Variants in ACSM3 observed in about 807,000 individuals in gnomAD.
The protein encoded by ACSM3 is acyl-CoA synthetase medium chain family member 3.
In ACSM3, 61 loss-of-function variants were observed where a neutral mutation model predicts 74.1. That is an observed-to-expected ratio of 0.82 (90% CI 0.67 to 1.02). The LOEUF is 1.02. Ranked by LOEUF, ACSM3 falls within the 50% of genes least tolerant of loss-of-function variation. ACSM3 has a pLI of 0.00. For missense variants in ACSM3, 660 were observed against 697.0 expected (o/e 0.95, Z 0.60); for synonymous variants, 213 against 241.5 (o/e 0.88, Z 1.09).
chr16:20,773,063 C>T (rs1176910424), intron 2 of ACSM3, among the ~76,000 whole-genome samples: 1 of 151,652 alleles, frequency 6.6e-6, no homozygotes, highest in Non-Finnish European at 1.5e-5. Context: ...GATTCAATCT[C>T]ATTACATATT....
intron 1 of ACSM3, among the ~76,000 whole-genome samples, chr16:20,720,337 C>T: frequency 6.6e-6 from 1 of 152,198 alleles, no homozygotes; most frequent in East Asian, 1.9e-4. Context: ...GAGATAGTGA[C>T]AGACTATCAG....
In ACSM3 at chr16:20,776,274, G is replaced by A. The variant is rs2080254907; in HGVS notation, c.430+225G>A. On this transcript the variant is annotated intron_variant, in intron 3 of 13. Transcript: ENST00000289416. ...ACAGCCTCACAAAAATTGTTGTGTT[G>A]CCCTGATTAGAAAGAAAAGATATTC... Among the ~76,000 whole-genome samples, 3 of 152,116 alleles carry A rather than the reference G, an allele frequency of 2.0e-5. No homozygotes were observed. In the South Asian group the frequency reaches 6.2e-4, roughly 32 times the overall value.
intron 3 of ACSM3, among the ~76,000 whole-genome samples, chr16:20,758,633 A>G (rs1257405170): frequency 1.3e-5 from 2 of 151,878 alleles, no homozygotes; most frequent in African/African-American, 4.8e-5. Flanking sequence ...TATTTCCTTC[A>G]GTTCTGCTCG....
Position 20,780,740 on chromosome 16 carries a change from T to A in ACSM3, c.665T>A (p.Val222Glu). Residue 222 changes from valine (V) to glutamate (E), a missense_variant, in exon 5 of 14, where the codon GTG (valine) becomes GAG (glutamate). Val to Glu is a moderately radical substitution (Grantham distance 121). Coordinates refer to ENST00000289416, the MANE Select transcript of ACSM3 (RefSeq NM_005622.4). ...CATGCCAGTGACAGCCACACCTGTG[T>A]GAAGACAAAACACAATGAGATCATG... ...MKHASDSHTC[V>E]KTKHNEIMAI... The A allele has an allele frequency of 6.2e-7, 1 of 1,614,172 alleles. No individual in the cohort carries two copies. The highest frequency in any genetic ancestry group is 8.5e-7 in the Non-Finnish European group (1 of 1,180,020).
intron 1 of ACSM3, among the ~76,000 whole-genome samples, chr16:20,700,682 A>C (rs915726036): frequency 6.6e-6 from 1 of 151,974 alleles, no homozygotes; most frequent in Non-Finnish European, 1.5e-5. Context: ...ATTCTATTCT[A>C]AGTGCAATGG....
intron 1 of ACSM3, among the ~76,000 whole-genome samples, chr16:20,685,925 A>ACATAAGAC (rs1257126614): frequency 6.6e-6 from 1 of 151,422 alleles, no homozygotes; most frequent in African/African-American, 2.4e-5. Flanking sequence ...GCCTCAAGCC[A>ACATAAGAC]CATAAGACCA....
chr16:20,684,256 C>G (rs1303013118), intron 1 of ACSM3, among the ~76,000 whole-genome samples: 1 of 152,192 alleles, frequency 6.6e-6, no homozygotes, highest in Non-Finnish European at 1.5e-5. Flanking sequence ...AAAGAATCAT[C>G]ACTAGGTACT....
chr16:20,769,292 C>A (rs2080163076), intron 1 of ACSM3, among the ~76,000 whole-genome samples: 1 of 152,228 alleles, frequency 6.6e-6, no homozygotes, highest in African/African-American at 2.4e-5. Flanking sequence ...TGATTTCCCA[C>A]AGAAGCAGGC....
chr16:20,786,440 G>A lies in ACSM3; in HGVS notation c.1224+282G>A, dbSNP rs9922762. On this transcript the variant is annotated intron_variant, in intron 9 of 13. Transcript: ENST00000289416. The stretch of plus-strand genomic sequence containing the variant: ...TCACGCCTGTAATCCCAACACTTTG[G>A]GAGGCCAAGGCGGGAGCATCACTTG... 3,647 of 479,546 alleles carry A rather than the reference G, an allele frequency of 7.6e-3. 110 individuals carry two copies. The highest frequency in any genetic ancestry group is 0.066 in the African/African-American group (3,270 of 49,872). The allele number at this position is 479,546 out of a possible 1,614,324, so 29.7% of individuals were successfully genotyped here.
Position 20,737,257 on chromosome 16 carries a change from T to C in ACSM3, c.-189-12653T>C. 4 of 1,613,698 alleles carry C rather than the reference T, an allele frequency of 2.5e-6. No individual in the cohort carries two copies. The South Asian group carries it at 3.3e-5, about 13-fold the overall frequency. The stretch of plus-strand genomic sequence containing the variant: ...TACTGTGGATTGGTGAGATCCACTT[T>C]ATTTTCTGAATTGAGGGTGCACACT... On this transcript the variant is annotated intron_variant, in intron 1 of 3. Transcript: ENST00000561584.
Position 20,770,006 on chromosome 16 carries a change from C to T in ACSM3, c.-29C>T, listed in dbSNP as rs1270229414. 6.2e-7 allele frequency: 1 copy of T among 1,608,428 alleles called. No individual in the cohort carries two copies. Among genetic ancestry groups the T allele is most frequent in the Middle Eastern group, 1.7e-4 (1 of 6,040 alleles). ...TAGATGAACTGGTCTCTGTGCAAAT[C>T]CTGAGTGCTAAAGCTTCCAACAAGA... is the stretch of plus-strand genomic sequence containing the variant. On this transcript the variant is annotated 5_prime_UTR_variant, in exon 2 of 14. Transcript: ENST00000289416.
At chr16:20,789,185 T>G (rs2080539219) in intron 9 of ACSM3, among the ~76,000 whole-genome samples, 1 of 151,986 alleles carries the variant, frequency 6.6e-6, no homozygotes, top group Admixed American at 6.6e-5. Flanking sequence ...CACAGAGGAG[T>G]GTAATGATTA....
intron 1 of ACSM3, among the ~76,000 whole-genome samples, chr16:20,719,814 T>C (rs2079779234): frequency 6.6e-6 from 1 of 152,226 alleles, no homozygotes; most frequent in African/African-American, 2.4e-5. Context: ...CAGCTCCTCT[T>C]ACTCTTCCCC....
rs774073648 is a variant in ACSM3 at position 20,786,082 on chromosome 16, T to C, written c.1148T>C (p.Leu383Pro). ...YEGYGQTETV[L>P]ICGNFKGMKI... ...CTTTTTCTTCTTCTTAACTAGGTGC[T>C]AATCTGTGGAAATTTTAAGGGAATG... is the stretch of plus-strand genomic sequence containing the variant. The change falls in exon 9 of 14, where the codon CTA (leucine) becomes CCA (proline). Residue 383 changes from leucine to proline, a missense_variant. Transcript: ENST00000289416. 1 of 1,589,050 alleles carries C rather than the reference T, an allele frequency of 6.3e-7. No homozygotes were observed. The highest frequency in any genetic ancestry group is 1.1e-5 in the South Asian group (1 of 87,126).
intron 1 of ACSM3, among the ~76,000 whole-genome samples, chr16:20,729,885 T>C (rs1302666379): frequency 6.6e-6 from 1 of 152,180 alleles, no homozygotes; most frequent in East Asian, 1.9e-4. Flanking sequence ...TCTCTCTCCA[T>C]TTTTGGCTCT....
chr16:20,753,865 GAGAA>G (rs1221319972), intron 2 of ACSM3, among the ~76,000 whole-genome samples: 1 of 143,630 alleles, frequency 7.0e-6, no homozygotes, highest in African/African-American at 2.6e-5. Flanking sequence ...AAAGAAGAAA[GAGAA>G]AGAAAAGAGA....
At chr16:20,722,460 G>A (rs1296994934) in intron 1 of ACSM3, among the ~76,000 whole-genome samples, 1 of 152,234 alleles carries the variant, frequency 6.6e-6, no homozygotes, top group East Asian at 1.9e-4. Context: ...TAAAACATTA[G>A]TATTTCTCTA....
chr16:20,699,464 T>C (rs1168293760), intron 1 of ACSM3, among the ~76,000 whole-genome samples: 2 of 152,164 alleles, frequency 1.3e-5, no homozygotes, highest in African/African-American at 4.8e-5. Context: ...TTTTAATATT[T>C]AGCTTTCTGT....
Position 20,691,031 on chromosome 16 carries a change from C to G in ACSM3, c.-190+16209C>G, listed in dbSNP as rs776491132. On this transcript the variant is annotated intron_variant, in intron 1 of 3. Coordinates refer to the ACSM3 transcript ENST00000561584. ...TTGAGCCCAGTAGTCCAGTACATAA[C>G]TTGCAAAGTTAAATTCCTCCGGTAC... 2.5e-6 allele frequency: 4 copies of G among 1,613,656 alleles called. No homozygotes were observed. The Admixed American group carries it at 6.7e-5, about 27-fold the overall frequency.
Sources: gnomAD v4.1 joint callset for allele counts (sites outside exome capture counted in the v4.1 genomes callset) on GRCh38, gnomAD v4.1.1 for gene constraint, MANE v1.5 for transcripts, NCBI Gene and HGNC (gene_info 2026-07-23, HGNC 2026-07-21) for gene names.